CLYBL: variants seen among roughly 807,000 people sequenced by gnomAD.
CLYBL encodes citramalyl-CoA lyase, mitochondrial.
In CLYBL, 31 loss-of-function variants were observed where a neutral mutation model predicts 38.9. The ratio of observed to expected loss-of-function variants is 0.80; its 90% CI spans 0.60 to 1.08. The LOEUF is 1.08. CLYBL is among the 50% of genes least tolerant of loss of function. CLYBL has a pLI of 0.00. For synonymous variants in CLYBL, 171 were observed against 158.6 expected (o/e 1.08, Z -0.59); for missense variants, 434 against 411.6 (o/e 1.05, Z -0.47).
intron 2 of CLYBL, among the ~76,000 whole-genome samples, chr13:99,851,829 T>A (rs1219688305): frequency 6.6e-6 from 1 of 152,224 alleles, no homozygotes; most frequent in Non-Finnish European, 1.5e-5. Flanking sequence ...CCAGGAATTC[T>A]ACTTTCTCTT....
At chr13:99,771,725 G>A (rs1331661677) in intron 1 of CLYBL, among the ~76,000 whole-genome samples, 1 of 152,178 alleles carries the variant, frequency 6.6e-6, no homozygotes, top group Admixed American at 6.5e-5. Context: ...GGGAAAGAAA[G>A]AGCATAGTTT....
At chr13:99,610,585 C>G (rs1429776817) in intron 1 of CLYBL, among the ~76,000 whole-genome samples, 1 of 152,140 alleles carries the variant, frequency 6.6e-6, no homozygotes, top group African/African-American at 2.4e-5. Flanking sequence ...TTCCTGGAAC[C>G]AGTAAGTCTC....
At chr13:99,657,881 C>T (rs2047350956) in intron 1 of CLYBL, among the ~76,000 whole-genome samples, 1 of 152,196 alleles carries the variant, frequency 6.6e-6, no homozygotes, top group Non-Finnish European at 1.5e-5. Context: ...TTTCTTGATC[C>T]GCTTTTCCCA....
intron 2 of CLYBL, among the ~76,000 whole-genome samples, chr13:99,838,376 G>T (rs1360208865): frequency 6.6e-6 from 1 of 152,144 alleles, no homozygotes; most frequent in East Asian, 1.9e-4. Context: ...TCAGAGGAGG[G>T]TTATACAGAG....
intron 1 of CLYBL, among the ~76,000 whole-genome samples, chr13:99,763,560 T>C (rs919711721): frequency 6.7e-6 from 1 of 149,700 alleles, no homozygotes; most frequent in South Asian, 2.1e-4. Context: ...TTTTTTTTTT[T>C]TTTTTTTTTA....
chr13:99,633,622 G>A (rs555103971), intron 1 of CLYBL, among the ~76,000 whole-genome samples: 15 of 151,896 alleles, frequency 9.9e-5, no homozygotes, highest in South Asian at 2.1e-4. Flanking sequence ...GGAAGTGATT[G>A]TTTAATGCAT....
At chr13:99,730,204 C>T in intron 1 of CLYBL, among the ~76,000 whole-genome samples, 1 of 152,260 alleles carries the variant, frequency 6.6e-6, no homozygotes, top group East Asian at 1.9e-4. Context: ...GGAAACCAGC[C>T]TCTTGGTTAG....
intron 2 of CLYBL, among the ~76,000 whole-genome samples, chr13:99,837,309 G>A (rs555199447): frequency 1.3e-5 from 2 of 152,208 alleles, no homozygotes; most frequent in Non-Finnish European, 2.9e-5. Context: ...AATTAACCAG[G>A]TATGGTGGCA....
chr13:99,838,608 A>G (rs2050993890), intron 2 of CLYBL, among the ~76,000 whole-genome samples: 1 of 152,204 alleles, frequency 6.6e-6, no homozygotes, highest in Non-Finnish European at 1.5e-5. Flanking sequence ...TAATCTTCCC[A>G]TATTACTATA....
At chr13:99,689,723 T>C (rs2047871837) in intron 1 of CLYBL, among the ~76,000 whole-genome samples, 1 of 152,362 alleles carries the variant, frequency 6.6e-6, no homozygotes, top group East Asian at 1.9e-4. Context: ...ATGCAATTTT[T>C]ATCCATCACA....
intron 2 of CLYBL, among the ~76,000 whole-genome samples, chr13:99,828,936 A>T (rs1229270224): frequency 6.6e-6 from 1 of 152,120 alleles, no homozygotes; most frequent in Non-Finnish European, 1.5e-5. Flanking sequence ...TGCAGACCCT[A>T]GATTGGCAGG....
chr13:99,736,774 C>T (rs958677832), intron 1 of CLYBL, among the ~76,000 whole-genome samples: 2 of 152,152 alleles, frequency 1.3e-5, no homozygotes, highest in African/African-American at 4.8e-5. Flanking sequence ...GAATGAGCCC[C>T]TCCCCACCAG....
chr13:99,906,407 G>A (rs1453642696), intron 9 of CLYBL, among the ~76,000 whole-genome samples: 1 of 149,288 alleles, frequency 6.7e-6, no homozygotes, highest in African/African-American at 2.5e-5. Flanking sequence ...AATGGGAACT[G>A]AAGGACCCCC....
intron 2 of CLYBL, among the ~76,000 whole-genome samples, chr13:99,809,949 C>T (rs981403267): frequency 1.3e-5 from 2 of 152,238 alleles, no homozygotes; most frequent in African/African-American, 4.8e-5. Context: ...TCCCGACTAG[C>T]TCAAAACGCT....
intron 1 of CLYBL, among the ~76,000 whole-genome samples, chr13:99,614,816 A>C (rs967677985): frequency 2.6e-5 from 4 of 152,034 alleles, no homozygotes; most frequent in African/African-American, 9.7e-5. Flanking sequence ...TACTGCAGAG[A>C]TCCCTCCCTC....
intron 1 of CLYBL, among the ~76,000 whole-genome samples, chr13:99,653,042 G>A (rs2047278221): frequency 1.3e-5 from 2 of 152,166 alleles, no homozygotes; most frequent in Non-Finnish European, 2.9e-5. Flanking sequence ...GCATGGCCCT[G>A]GGGGAGGTGG....
At chr13:99,638,030 C>T (rs1185188387) in intron 1 of CLYBL, among the ~76,000 whole-genome samples, 1 of 129,824 alleles carries the variant, frequency 7.7e-6, no homozygotes, top group East Asian at 2.8e-4. Flanking sequence ...ATGGCACAAT[C>T]GCGGTTCACT....
rs1429841489 is a variant in CLYBL, at chr13:99,849,805, C to T, written c.250-9056C>T. ...GGATAGGGCTATGGCAGCAGAGAGCCAGCACCAGCCAGTTGCCAGTCAGGG... is the reference window on the plus strand; with the variant it reads ...GGATAGGGCTATGGCAGCAGAGAGCTAGCACCAGCCAGTTGCCAGTCAGGG... On this transcript the variant is annotated intron_variant, in intron 2 of 8. Transcript: ENST00000339105. This position sits in a 1 kb window ranked among gnomAD's most constrained non-coding sequence, Gnocchi z 4.9. Among the ~76,000 whole-genome samples the T allele has an allele frequency of 6.6e-6, 1 of 152,166 alleles. No homozygotes were observed. Among genetic ancestry groups the T allele is most frequent in the African/African-American group, 2.4e-5 (1 of 41,434 alleles).
chr13:99,876,211 G>GGA (rs1415364876), intron 7 of CLYBL, among the ~76,000 whole-genome samples: 1 of 150,968 alleles, frequency 6.6e-6, no homozygotes, highest in Non-Finnish European at 1.5e-5. Context: ...CACAAGGTCA[G>GGA]GAGTTTGAGA....
Sources: allele counts gnomAD v4.1 joint callset (sites outside exome capture counted in the v4.1 genomes callset), GRCh38; gene constraint gnomAD v4.1.1; non-coding constraint Gnocchi (gnomAD v3.1); transcripts MANE v1.5; gene names NCBI Gene and HGNC (gene_info 2026-07-23, HGNC 2026-07-21).